Variants in CPA6 observed in about 807,000 individuals in gnomAD.
The protein encoded by CPA6 is carboxypeptidase A6, also known as carboxypeptidase B.
CPA6 carries 58 observed loss-of-function variants against 63.3 expected under a neutral mutation model. That is an observed-to-expected ratio of 0.92 (90% CI 0.74 to 1.14). The LOEUF (loss-of-function observed/expected upper bound fraction) is 1.14. Among genes scored for constraint, CPA6 ranks in the 50% most tolerant of loss-of-function variants. The probability of loss-of-function intolerance (pLI) is 0.00; values close to 1 mark genes in which losing one functional copy is unlikely to be tolerated. For synonymous variants in CPA6, 185 were observed against 179.0 expected, an observed-to-expected ratio of 1.03 and a Z score of -0.27; for missense variants, 565 against 526.6, an observed-to-expected ratio of 1.07 and a Z score of -0.71.
chr8:67,422,455 T>C lies in CPA6; in HGVS notation c.*49A>G, dbSNP rs377215949. On this transcript the variant is annotated 3_prime_UTR_variant, in exon 11 of 11. Coordinates refer to ENST00000297770, the MANE Select transcript of CPA6 (RefSeq NM_020361.5). ...AAAACAATTTCTATCCAGGGCCAAG[T>C]AGGCCTTGCTCAGAATCCTATGGCA... 1 of 1,519,900 alleles carries C rather than the reference T, an allele frequency of 6.6e-7. No individual in the cohort carries two copies. Among genetic ancestry groups the C allele is most frequent in the African/African-American group, 1.4e-5 (1 of 72,598 alleles). The allele number at this position is 1,519,900 out of a possible 1,614,324, so 94.2% of individuals were successfully genotyped here.
intron 3 of CPA6, among the ~76,000 whole-genome samples, chr8:67,516,329 A>C (rs1812143784): frequency 6.6e-6 from 1 of 152,102 alleles, no homozygotes; most frequent in African/African-American, 2.4e-5. Flanking sequence ...TTATCTCTTC[A>C]GTTTTAGAGA....
intron 1 of CPA6, among the ~76,000 whole-genome samples, chr8:67,713,099 G>GTGTGTATATATATA (rs1328463977): frequency 7.3e-5 from 4 of 55,032 alleles, no homozygotes; most frequent in African/African-American, 3.0e-4. Flanking sequence ...GTGTGTGTGT[G>GTGTGTATATATATA]TATATATATA....
chr8:67,464,100 C>T (rs559207551), intron 8 of CPA6, among the ~76,000 whole-genome samples: 77 of 152,340 alleles, frequency 5.1e-4, no homozygotes, highest in Admixed American at 1.4e-3. Flanking sequence ...CTGCTTTCCA[C>T]AGTGGCTGAA....
chr8:67,728,133 CAAACAA>C (rs1817635057), intron 1 of CPA6, among the ~76,000 whole-genome samples: 1 of 147,638 alleles, frequency 6.8e-6, no homozygotes. Context: ...CAACAAAAAA[CAAACAA>C]AACAAAACAA....
At chr8:67,618,800 G>T (rs1815014750) in intron 2 of CPA6, among the ~76,000 whole-genome samples, 1 of 152,134 alleles carries the variant, frequency 6.6e-6, no homozygotes, top group African/African-American at 2.4e-5. Flanking sequence ...AGAGTACAAA[G>T]AATTTGCAAA....
chr8:67,603,135 T>C (rs1203243698), intron 2 of CPA6, among the ~76,000 whole-genome samples: 1 of 152,170 alleles, frequency 6.6e-6, no homozygotes. Context: ...AGAAAATGCT[T>C]TTGGTTCCAA....
intron 2 of CPA6, among the ~76,000 whole-genome samples, chr8:67,550,420 C>T (rs932841683): frequency 1.3e-5 from 2 of 152,202 alleles, no homozygotes; most frequent in African/African-American, 2.4e-5. Context: ...ATATGTACCA[C>T]ATTTTCTTTA....
chr8:67,631,136 C>T (rs576084352), intron 1 of CPA6, among the ~76,000 whole-genome samples: 4 of 152,234 alleles, frequency 2.6e-5, no homozygotes, highest in Admixed American at 1.3e-4. Flanking sequence ...CAGCTCCACC[C>T]GTGGCCCCGG....
chr8:67,538,441 G>A (rs989711254), intron 2 of CPA6, among the ~76,000 whole-genome samples: 3 of 150,624 alleles, frequency 2.0e-5, no homozygotes, highest in African/African-American at 7.3e-5. Flanking sequence ...ATTACGTGAT[G>A]CCCATCTTTG....
intron 1 of CPA6, among the ~76,000 whole-genome samples, chr8:67,714,827 C>T (rs1297344111): frequency 1.3e-5 from 2 of 152,138 alleles, no homozygotes; most frequent in African/African-American, 4.8e-5. Flanking sequence ...ATGATAAAAA[C>T]TTAATGTGCA....
intron 1 of CPA6, among the ~76,000 whole-genome samples, chr8:67,705,046 T>C (rs1297313783): frequency 1.3e-5 from 2 of 152,168 alleles, no homozygotes; most frequent in East Asian, 3.9e-4. Flanking sequence ...GGCTCAACTA[T>C]TGGCTGTTTT....
In CPA6 at chr8:67,511,598, C is replaced by T. The variant is rs911302349; in HGVS notation, c.375G>A (p.Gln125=). ...TLEKGSSLHT[Q]RNRRSLSGYN... ...ATCCAGAGAGGGATCTTCGGTTTCT[C>T]TGGGTGTGCAAGCTGCTTCCCTTCT... Residue 125 remains glutamine, a synonymous_variant, in exon 4 of 11, where the codon CAG becomes CAA. Transcript: ENST00000297770. The T allele has an allele frequency of 1.2e-6, 2 of 1,612,928 alleles. No individual in the cohort carries two copies. Among genetic ancestry groups the T allele is most frequent in the Admixed American group, 1.7e-5 (1 of 59,994 alleles).
At chr8:67,453,270 A>G (rs2128955971) in intron 8 of CPA6, among the ~76,000 whole-genome samples, 1 of 152,254 alleles carries the variant, frequency 6.6e-6, no homozygotes, top group Middle Eastern at 3.4e-3. Context: ...TTAAGGTAAA[A>G]TCAAAGGGAT....
intron 8 of CPA6, among the ~76,000 whole-genome samples, chr8:67,469,993 T>C (rs79549322): frequency 1.3e-5 from 2 of 152,196 alleles, no homozygotes; most frequent in African/African-American, 4.8e-5. Context: ...ATTCATTTCA[T>C]ATTTTTGAAT....
At chr8:67,497,270 C>G (rs1811740589) in intron 6 of CPA6, among the ~76,000 whole-genome samples, 1 of 152,194 alleles carries the variant, frequency 6.6e-6, no homozygotes, top group South Asian at 2.1e-4. Flanking sequence ...CCCGCTTACT[C>G]CATCCCCTTG....
chr8:67,559,140 A>T (rs754107707), intron 2 of CPA6, among the ~76,000 whole-genome samples: 2 of 152,174 alleles, frequency 1.3e-5, no homozygotes, highest in Non-Finnish European at 2.9e-5. Flanking sequence ...GTTGTATTTC[A>T]TAAGAGTCCA....
chr8:67,681,195 A>ATTTTTTTTTTTTTTTTTTTT (rs1554533441), intron 1 of CPA6, among the ~76,000 whole-genome samples: 7 of 97,134 alleles, frequency 7.2e-5, no homozygotes, highest in Non-Finnish European at 1.2e-4. Context: ...GGTCACAAAG[A>ATTTTTTTTTTTTTTTTTTTT]TTTTCTTTTT....
rs373565150 is a variant in CPA6 at position 67,746,110 on chromosome 8, C to A, written c.20G>T (p.Arg7Leu). Residue 7 changes from arginine to leucine, a missense_variant, in exon 1 of 11, where the codon CGC becomes CTC. Arg to Leu is a moderately radical substitution (Grantham distance 102). Transcript: ENST00000297770. MKCLGKRRGQAAAFLPL... is the reference protein window; with the variant it reads MKCLGKLRGQAAAFLPL... Reference sequence around the variant, plus strand: ...CAGGAAAGCAGCTGCCTGGCCCCTGCGCTTCCCGAGACACTTCATAGTGTT... The same window carrying A: ...CAGGAAAGCAGCTGCCTGGCCCCTGAGCTTCCCGAGACACTTCATAGTGTT... 23 of 1,613,202 alleles carry A rather than the reference C, an allele frequency of 1.4e-5. No homozygotes were observed. The highest frequency in any genetic ancestry group is 4.0e-5 in the African/African-American group (3 of 74,870).
chr8:67,665,701 T>C (rs573032162), intron 1 of CPA6, among the ~76,000 whole-genome samples: 17 of 152,286 alleles, frequency 1.1e-4, no homozygotes, highest in African/African-American at 3.9e-4. Flanking sequence ...GGGACAGCAA[T>C]GATTTGTTTG....
Sources: allele counts gnomAD v4.1 joint callset (sites outside exome capture counted in the v4.1 genomes callset), GRCh38; gene constraint gnomAD v4.1.1; transcripts MANE v1.5; gene names NCBI Gene and HGNC (gene_info 2026-07-23, HGNC 2026-07-21).